Variants in DIS3L2 observed in about 807,000 individuals in gnomAD.
DIS3L2 encodes the protein DIS3 like 3'-5' exoribonuclease 2, also known as DIS3-like exonuclease 2.
In DIS3L2, 34 loss-of-function variants were observed where a neutral mutation model predicts 97.5. The observed-to-expected ratio is 0.35, with a 90% CI of 0.27 to 0.46. The LOEUF (loss-of-function observed/expected upper bound fraction) is 0.46, where lower values mean the gene tolerates loss of function less well. Among genes scored for constraint, DIS3L2 ranks in the 20% least tolerant of loss-of-function variants. DIS3L2 has a pLI of 1.00. For missense variants in DIS3L2, 1,038 were observed against 1,146.0 expected (o/e 0.91, Z 1.36); for synonymous variants, 435 against 445.2 (o/e 0.98, Z 0.29).
At chr2:232,004,315 G>T (rs2342296) in intron 1 of DIS3L2, among the ~76,000 whole-genome samples, 4 of 152,286 alleles carry the variant, frequency 2.6e-5, no homozygotes, top group South Asian at 2.1e-4. Flanking sequence ...TCCGGTCATC[G>T]ACCCGCCTTG....
chr2:232,160,331 A>G lies in DIS3L2; in HGVS notation c.951-3128A>G, dbSNP rs573761677. On this transcript the variant is annotated intron_variant, in intron 8 of 20. Coordinates refer to ENST00000325385, the MANE Select transcript of DIS3L2 (RefSeq NM_152383.5). ...AAAATAGATAATAGGTAGATTAAAT[A>G]GGAATATTCAAGTATCAATTTATTT... Among the ~76,000 whole-genome samples, 3 of 152,348 alleles carry G rather than the reference A, an allele frequency of 2.0e-5. No individual in the cohort carries two copies. In the South Asian group the frequency reaches 6.2e-4, roughly 32 times the overall value.
chr2:232,174,315 G>A (rs1238878007), intron 9 of DIS3L2, among the ~76,000 whole-genome samples: 1 of 151,874 alleles, frequency 6.6e-6, no homozygotes, highest in Non-Finnish European at 1.5e-5. Flanking sequence ...GCCGGGCATG[G>A]TGGCTCATGC....
chr2:232,335,673 G>C (rs571465898), intron 19 of DIS3L2, 100 bp from the exon 20 acceptor site: 5 of 1,364,744 alleles, frequency 3.7e-6, no homozygotes, highest in Non-Finnish European at 5.0e-6. Context: ...GGCCAGGGCC[G>C]AGGGCTGAGG....
intron 1 of DIS3L2, among the ~76,000 whole-genome samples, chr2:231,979,260 A>AT (rs1016804075): frequency 2.6e-5 from 4 of 151,782 alleles, no homozygotes; most frequent in South Asian, 2.1e-4. Flanking sequence ...TATTTAATTT[A>AT]TTTTTTTATT....
chr2:232,324,269 G>A (rs1262025061), intron 14 of DIS3L2, among the ~76,000 whole-genome samples: 3 of 152,204 alleles, frequency 2.0e-5, no homozygotes, highest in African/African-American at 7.2e-5. Context: ...TTGGTCTGCA[G>A]AAGAAATGAG....
chr2:232,181,749 C>T lies in DIS3L2; in HGVS notation c.1124+18117C>T, dbSNP rs537109598. Among the ~76,000 whole-genome samples, 8 of 152,282 alleles carry T rather than the reference C, an allele frequency of 5.3e-5. No homozygotes were observed. In the East Asian group the frequency reaches 9.6e-4, roughly 18 times the overall value. ...CACCTCCTGGGTTCAAGTGATTCTC[C>T]TGTGTCAACCTCCAGATAGCTGGGA... On this transcript the variant is annotated intron_variant, in intron 9 of 20. Coordinates refer to ENST00000325385, the MANE Select transcript of DIS3L2 (RefSeq NM_152383.5).
At chr2:232,016,783 A>C (rs1378697273) in intron 3 of DIS3L2, among the ~76,000 whole-genome samples, 1 of 152,132 alleles carries the variant, frequency 6.6e-6, no homozygotes, top group African/African-American at 2.4e-5. Flanking sequence ...TACCTGGCTC[A>C]CTTGAAAATG....
At chr2:232,141,047 T>G (rs553119077) in intron 8 of DIS3L2, among the ~76,000 whole-genome samples, 1 of 152,300 alleles carries the variant, frequency 6.6e-6, no homozygotes, top group African/African-American at 2.4e-5. Context: ...AAAGCCACAT[T>G]GGTTTCTTCG....
chr2:232,061,500 G>A (rs1399959132), intron 5 of DIS3L2, among the ~76,000 whole-genome samples: 1 of 152,192 alleles, frequency 6.6e-6, no homozygotes, highest in Non-Finnish European at 1.5e-5. Context: ...TTATGTTATT[G>A]TGAGCACACG....
At chr2:232,243,155 A>G (rs982063521) in intron 11 of DIS3L2, among the ~76,000 whole-genome samples, 17 of 152,332 alleles carry the variant, frequency 1.1e-4, no homozygotes, top group Middle Eastern at 6.8e-3. Context: ...AAGGCTTCAC[A>G]AAGCAATCGT....
At chr2:232,247,617 G>GA (rs1491165015) in intron 11 of DIS3L2, among the ~76,000 whole-genome samples, 10 of 28,892 alleles carry the variant, frequency 3.5e-4, no homozygotes, top group African/African-American at 1.1e-3. Flanking sequence ...TAACTGCCGC[G>GA]GGGGGGGGGG....
intron 9 of DIS3L2, among the ~76,000 whole-genome samples, chr2:232,177,242 T>C (rs1184138281): frequency 6.9e-6 from 1 of 144,452 alleles, no homozygotes; most frequent in Non-Finnish European, 1.5e-5. Flanking sequence ...TCTTTGCTAT[T>C]GTGAATAATG....
intron 6 of DIS3L2, among the ~76,000 whole-genome samples, chr2:232,097,774 A>G (rs1425384630): frequency 6.6e-6 from 1 of 152,170 alleles, no homozygotes; most frequent in Non-Finnish European, 1.5e-5. Flanking sequence ...AAGGTGCAAG[A>G]CAAAGTCTTC....
chr2:232,286,910 G>C (rs746491569), intron 13 of DIS3L2, among the ~76,000 whole-genome samples: 3 of 152,164 alleles, frequency 2.0e-5, no homozygotes, highest in Non-Finnish European at 4.4e-5. Context: ...CTCCTGAGTA[G>C]CTGGGATTAC....
intron 5 of DIS3L2, among the ~76,000 whole-genome samples, chr2:232,077,961 C>CTTTCTTTCTTTCTTTCT (rs1696251486): frequency 2.7e-5 from 2 of 73,880 alleles, no homozygotes; most frequent in African/African-American, 1.2e-4. Context: ...CTTTCTCTTT[C>CTTTCTTTCTTTCTTTCT]TTTCTTTCTT....
intron 10 of DIS3L2, among the ~76,000 whole-genome samples, chr2:232,214,661 C>G (rs915083086): frequency 3.3e-5 from 5 of 152,210 alleles, no homozygotes; most frequent in Admixed American, 2.0e-4. Flanking sequence ...GCCTCCCTGG[C>G]TATCAGGGCC....
At chr2:232,336,231 C>T in intron 20 of DIS3L2, 3 of 1,540,704 alleles carry the variant, frequency 1.9e-6, no homozygotes, top group East Asian at 2.5e-5. Flanking sequence ...TGAACGCGGA[C>T]CCAGGCCCTC....
At chr2:232,130,441 C>T (rs1234471495) in intron 6 of DIS3L2, among the ~76,000 whole-genome samples, 178 bp from the exon 7 acceptor site, 1 of 152,180 alleles carries the variant, frequency 6.6e-6, no homozygotes, top group Admixed American at 6.5e-5. Flanking sequence ...GCTGAGTGCT[C>T]AGCCTGAGTA....
At chr2:232,223,914 C>CAATT in intron 10 of DIS3L2, among the ~76,000 whole-genome samples, 1 of 152,062 alleles carries the variant, frequency 6.6e-6, no homozygotes, top group Non-Finnish European at 1.5e-5. Context: ...ATGGTGAAAC[C>CAATT]CCATCTCTAC....
Sources: gnomAD v4.1 joint callset for allele counts (sites outside exome capture counted in the v4.1 genomes callset) on GRCh38, gnomAD v4.1.1 for gene constraint, MANE v1.5 for transcripts, NCBI Gene and HGNC (gene_info 2026-07-23, HGNC 2026-07-21) for gene names.